The following RRBP1 variants were observed in gnomAD, a reference collection of about 807,000 sequenced individuals.
RRBP1 encodes ribosome binding protein 1.
RRBP1 carries 94 observed loss-of-function variants against 165.2 expected under a neutral mutation model. That is an observed-to-expected ratio of 0.57 (90% CI 0.48 to 0.68). The LOEUF (loss-of-function observed/expected upper bound fraction) is 0.68, where lower values mean the gene tolerates loss of function less well. RRBP1 is among the 30% of genes least tolerant of loss of function. The pLI is 0.00. For synonymous variants in RRBP1, 680 were observed against 714.5 expected, an observed-to-expected ratio of 0.95 and a Z score of 0.77; for missense variants, 1,676 against 1,763.0, an observed-to-expected ratio of 0.95 and a Z score of 0.88.
intron 7 of RRBP1, 53 bp downstream of exon 7, chr20:17,635,492 CT>C (rs2036230855): frequency 2.9e-6 from 4 of 1,370,960 alleles, no homozygotes; most frequent in Non-Finnish European, 4.1e-6. Context: ...CTCGTGAAGC[CT>C]TCCTCGCTCC....
intron 2 of RRBP1, among the ~76,000 whole-genome samples, chr20:17,677,342 A>G (rs2122517807): frequency 6.6e-6 from 1 of 152,348 alleles, no homozygotes; most frequent in South Asian, 2.1e-4. Context: ...TATCACTATA[A>G]ATAGTCTGTA....
chr20:17,637,849 A>G (rs1215656257), intron 5 of RRBP1, among the ~76,000 whole-genome samples: 2 of 150,930 alleles, frequency 1.3e-5, no homozygotes, highest in Non-Finnish European at 2.9e-5. Flanking sequence ...CTGATTAGCT[A>G]CAGAAGTGGG....
chr20:17,673,550 A>G (rs1022948881), intron 2 of RRBP1, among the ~76,000 whole-genome samples: 1 of 152,150 alleles, frequency 6.6e-6, no homozygotes, highest in East Asian at 1.9e-4. Context: ...CTGCGATTAC[A>G]GGCATGTGCC....
At chr20:17,641,519 T>G (rs1162418608) in intron 5 of RRBP1, 57 of 516,434 alleles carry the variant, frequency 1.1e-4, no homozygotes, top group Non-Finnish European at 1.8e-4. Context: ...CACAAACTGA[T>G]GCTGCTTAAC....
chr20:17,637,763 C>T (rs1428019746), intron 5 of RRBP1, among the ~76,000 whole-genome samples: 1 of 152,206 alleles, frequency 6.6e-6, no homozygotes, highest in Non-Finnish European at 1.5e-5. Flanking sequence ...GACCCTTGGC[C>T]TCACTTTTCA....
chr20:17,654,370 CCACG>C (rs547081261), intron 3 of RRBP1, among the ~76,000 whole-genome samples: 53 of 152,196 alleles, frequency 3.5e-4, no homozygotes, highest in Non-Finnish European at 6.3e-4. Flanking sequence ...CTACCTGGGA[CCACG>C]CAACTCCAGA....
chr20:17,624,592 G>C lies in RRBP1; in HGVS notation c.3131C>G (p.Ser1044Cys). 3.1e-6 allele frequency: 5 copies of C among 1,593,198 alleles called. No homozygotes were observed. Among genetic ancestry groups the C allele is most frequent in the Non-Finnish European group, 3.4e-6 (4 of 1,170,072 alleles). ...AEQACKEKLL[S>C]LTQAKEESEK... Reference sequence around the variant, plus strand: ...GGCTCTGACCTTGGCCTGGGTCAGGGAGAGCAGCTTCTCCTTGCAGGCCTG... The same window carrying C: ...GGCTCTGACCTTGGCCTGGGTCAGGCAGAGCAGCTTCTCCTTGCAGGCCTG... The change falls in exon 13 of 25, where the codon TCC becomes TGC. Residue 1044 changes from serine (S) to cysteine (C), a missense_variant. Coordinates refer to ENST00000377813, the MANE Select transcript of RRBP1 (RefSeq NM_001365613.2).
At chr20:17,660,957 T>C in intron 2 of RRBP1, among the ~76,000 whole-genome samples, 1 of 149,660 alleles carries the variant, frequency 6.7e-6, no homozygotes. Context: ...ACAGTGACAC[T>C]CTGTCATGGC....
intron 2 of RRBP1, among the ~76,000 whole-genome samples, chr20:17,672,195 A>G (rs1390787446): frequency 6.6e-6 from 1 of 152,214 alleles, no homozygotes; most frequent in African/African-American, 2.4e-5. Flanking sequence ...ATACCCAACT[A>G]TTGGTTCGTT....
At chr20:17,648,693 T>C (rs2036506736) in intron 3 of RRBP1, among the ~76,000 whole-genome samples, 1 of 152,218 alleles carries the variant, frequency 6.6e-6, no homozygotes, top group Admixed American at 6.5e-5. Flanking sequence ...AAATATCCTA[T>C]AGATTGAAGA....
chr20:17,650,482 T>C (rs1301036560), intron 3 of RRBP1, among the ~76,000 whole-genome samples: 1 of 152,154 alleles, frequency 6.6e-6, no homozygotes, highest in Non-Finnish European at 1.5e-5. Context: ...TCCCCAGGGT[T>C]ACCCACCCCC....
intron 9 of RRBP1, 69 bp downstream of exon 9, chr20:17,629,754 T>C: frequency 1.3e-6 from 2 of 1,502,194 alleles, no homozygotes; most frequent in Non-Finnish European, 1.8e-6. Flanking sequence ...GCACTGGCAG[T>C]GGGGCTGGGC....
chr20:17,631,055 G>A (rs1184396854), intron 8 of RRBP1, among the ~76,000 whole-genome samples: 1 of 152,242 alleles, frequency 6.6e-6, no homozygotes, highest in Non-Finnish European at 1.5e-5. Flanking sequence ...AAAACTGGGG[G>A]CAGCTTTAGG....
chr20:17,651,386 G>A (rs960836304), intron 3 of RRBP1, among the ~76,000 whole-genome samples: 1 of 152,138 alleles, frequency 6.6e-6, no homozygotes, highest in African/African-American at 2.4e-5. Context: ...TACTTATCTA[G>A]GACTTTATTT....
intron 2 of RRBP1, among the ~76,000 whole-genome samples, chr20:17,676,072 G>A (rs751547821): frequency 1.3e-5 from 2 of 152,204 alleles, no homozygotes; most frequent in African/African-American, 2.4e-5. Flanking sequence ...CACTGGGTGT[G>A]GTAGCATGCA....
intron 19 of RRBP1, 130 bp from the exon 20 acceptor site, chr20:17,618,809 C>A: frequency 5.6e-6 from 4 of 711,696 alleles, no homozygotes; most frequent in South Asian, 4.7e-5. Flanking sequence ...AGGGTCACAG[C>A]ATCGGGCCGG....
At chr20:17,674,995 A>G (rs561115631) in intron 2 of RRBP1, among the ~76,000 whole-genome samples, 2 of 152,352 alleles carry the variant, frequency 1.3e-5, no homozygotes, top group South Asian at 4.1e-4. Flanking sequence ...AACTGGTGCA[A>G]GCACCTGGGA....
chr20:17,647,113 A>G (rs1037603116), intron 3 of RRBP1, among the ~76,000 whole-genome samples: 1 of 152,258 alleles, frequency 6.6e-6, no homozygotes, highest in African/African-American at 2.4e-5. Context: ...ACAGGTGCCC[A>G]GCAGCCCTGA....
At chr20:17,628,987 A>T (rs886920362) in intron 9 of RRBP1, among the ~76,000 whole-genome samples, 1 of 151,636 alleles carries the variant, frequency 6.6e-6, no homozygotes, top group African/African-American at 2.4e-5. Flanking sequence ...TCCCCGACAG[A>T]AACAGTTCAC....
Sources: gnomAD v4.1 joint callset for allele counts (sites outside exome capture counted in the v4.1 genomes callset) on GRCh38, gnomAD v4.1.1 for gene constraint, MANE v1.5 for transcripts, NCBI Gene and HGNC (gene_info 2026-07-23, HGNC 2026-07-21) for gene names.